Variants in LRP1 observed in about 807,000 individuals in gnomAD.
LRP1 encodes the protein LDL receptor related protein 1, also known as prolow-density lipoprotein receptor-related protein 1.
A neutral mutation model predicts 541.5 loss-of-function variants in LRP1; 51 were observed. The ratio of observed to expected loss-of-function variants is 0.09; its 90% confidence interval spans 0.08 to 0.12. The LOEUF is 0.12. Among genes scored for constraint, LRP1 ranks in the 10% least tolerant of loss-of-function variants. LRP1 has a pLI of 1.00. For synonymous variants in LRP1, 2,219 were observed against 2,470.8 expected (o/e 0.90, Z 3.02); for missense variants, 3,878 against 6,376.2 (o/e 0.61, Z 13.34).
chr12:57,169,156 C>G lies in LRP1; in HGVS notation c.3012C>G (p.Asp1004Glu). The change falls in exon 20 of 89, where the codon GAC becomes GAG. Residue 1004 changes from aspartate to glutamate, a missense_variant. Transcript: ENST00000243077. The part of the protein sequence containing the change: ...WRCDNDNDCG[D>E]NSDEAGCSHS... ...CACCGCCAGACAATGACTGTGGGGACAACAGTGACGAAGCCGGCTGCAGCC... is the reference window on the plus strand; with the variant it reads ...CACCGCCAGACAATGACTGTGGGGAGAACAGTGACGAAGCCGGCTGCAGCC... 1 of 1,610,952 alleles carries G rather than the reference C, an allele frequency of 6.2e-7. No individual in the cohort carries two copies. Among genetic ancestry groups the G allele is most frequent in the Non-Finnish European group, 8.5e-7 (1 of 1,177,440 alleles).
At chr12:57,138,408 A>G (rs2035217925) in intron 1 of LRP1, 51 bp from the exon 2 acceptor site, 1 of 1,601,624 alleles carries the variant, frequency 6.2e-7, no homozygotes, top group Non-Finnish European at 8.5e-7. Flanking sequence ...TTGGGTTCAC[A>G]GAGTTGGCCT....
chr12:57,149,025 G>C (rs745832016), intron 6 of LRP1: 1 of 661,054 alleles, frequency 1.5e-6, no homozygotes, highest in Non-Finnish European at 2.7e-6. Context: ...GTAGTGATTT[G>C]TCTAGAGGGG....
chr12:57,210,975 G>T, intron 83 of LRP1, 96 bp downstream of exon 83: 1 of 1,496,210 alleles, frequency 6.7e-7, no homozygotes. Context: ...GGACCCACAG[G>T]GGCAAGTTCA....
chr12:57,169,225 C>T lies in LRP1; in HGVS notation c.3081C>T (p.Cys1027=). The part of the protein sequence containing the change: ...STQFKCNSGR[C]IPEHWTCDGD... ...AGTTCAAGTGCAACAGCGGGCGTTGCATCCCCGAGCACTGGACCTGCGATG... is the reference window on the plus strand; with the variant it reads ...AGTTCAAGTGCAACAGCGGGCGTTGTATCCCCGAGCACTGGACCTGCGATG... The change falls in exon 20 of 89, where the codon TGC becomes TGT. Residue 1027 remains cysteine, a synonymous_variant. Coordinates refer to ENST00000243077, the MANE Select transcript of LRP1 (RefSeq NM_002332.3). The T allele has an allele frequency of 2.5e-6, 4 of 1,613,974 alleles. No homozygotes were observed. Among genetic ancestry groups the T allele is most frequent in the Non-Finnish European group, 2.5e-6 (3 of 1,179,946 alleles).
chr12:57,177,282 C>A lies in LRP1; in HGVS notation c.4196+37C>A, dbSNP rs754352981. ...GCCCAGCCTTCTCCTGGCCCCATGG[C>A]CCCCCTGAAGTCCCATTCAGCCTGG... On this transcript the variant is annotated intron_variant, in intron 25 of 88. Coordinates refer to ENST00000243077, the MANE Select transcript of LRP1 (RefSeq NM_002332.3). This position sits in a 1 kb window ranked among gnomAD's most constrained non-coding sequence, Gnocchi z 6.8. The A allele has an allele frequency of 5.0e-6, 8 of 1,605,296 alleles. No individual in the cohort carries two copies. In the South Asian group the frequency reaches 5.5e-5, roughly 11 times the overall value.
intron 54 of LRP1, 36 bp downstream of exon 54, chr12:57,196,039 C>T: frequency 6.2e-7 from 1 of 1,611,744 alleles, no homozygotes; most frequent in Non-Finnish European, 8.5e-7. Flanking sequence ...TGCCCCCTCC[C>T]CAGACTGCCT....
intron 20 of LRP1, among the ~76,000 whole-genome samples, chr12:57,172,372 T>C (rs979637920): frequency 6.6e-6 from 1 of 152,148 alleles, no homozygotes; most frequent in Non-Finnish European, 1.5e-5. Flanking sequence ...GGTTTCACCA[T>C]GTTAGCCAGG....
At chr12:57,188,239 T>C (rs982786896) in intron 42 of LRP1, among the ~76,000 whole-genome samples, 2 of 152,152 alleles carry the variant, frequency 1.3e-5, no homozygotes, top group African/African-American at 4.8e-5. Flanking sequence ...ATCCCGGCTG[T>C]TTGGGCCTCT....
chr12:57,204,348 T>C lies in LRP1; in HGVS notation c.10952-62T>C, dbSNP rs1045427070. The C allele has an allele frequency of 2.3e-5, 33 of 1,464,066 alleles. No individual in the cohort carries two copies. The highest frequency in any genetic ancestry group is 3.0e-5 in the Non-Finnish European group (33 of 1,104,558). 90.7% of individuals were successfully genotyped at this position (1,464,066 alleles called of 1,614,324 possible). On this transcript the variant is annotated intron_variant, in intron 70 of 88. Transcript: ENST00000243077. This position sits in a 1 kb window ranked among gnomAD's most constrained non-coding sequence, Gnocchi z 5.3. The stretch of plus-strand genomic sequence containing the variant: ...CCTCTGAGCCTGGAACCCCCACCTG[T>C]GGAGACAGGGGTCTGGGTGGGCTCA...
intron 41 of LRP1, 36 bp from the exon 42 acceptor site, chr12:57,187,231 C>A (rs923230450): frequency 6.3e-7 from 1 of 1,589,690 alleles, no homozygotes; most frequent in South Asian, 1.2e-5. Context: ...GCCCTCTGGG[C>A]CCTCCTGACA....
rs1157519239 is a variant in LRP1, at chr12:57,158,528, C to T, written c.1688C>T (p.Ala563Val). ...ATTGAAAACCTCATGAACCCCCGAG[C>T]CCTGGACTTCCACGCTGAGACCGGC... ...IPIENLMNPR[A>V]LDFHAETGFI... The change falls in exon 11 of 89, where the codon GCC (alanine) becomes GTC (valine). Residue 563 changes from alanine to valine, a missense_variant. Transcript: ENST00000243077. This position sits in a 1 kb window ranked among gnomAD's most constrained non-coding sequence, Gnocchi z 5.3. 6.2e-7 allele frequency: 1 copy of T among 1,614,096 alleles called. No homozygotes were observed. The highest frequency in any genetic ancestry group is 1.3e-5 in the African/African-American group (1 of 74,930).
intron 1 of LRP1, among the ~76,000 whole-genome samples, chr12:57,136,248 G>C (rs1357531049): frequency 6.6e-6 from 1 of 152,184 alleles, no homozygotes; most frequent in Admixed American, 6.5e-5. Flanking sequence ...GAGGCTGAAG[G>C]GGGAGCCTGG....
intron 22 of LRP1, among the ~76,000 whole-genome samples, chr12:57,174,987 T>C (rs2036014811): frequency 6.6e-6 from 1 of 152,066 alleles, no homozygotes. Context: ...CGACAGGCTA[T>C]CAGTCAGGCT....
At position 57,173,684 on chromosome 12, in the gene LRP1, C is replaced by A. The variant is rs1208921863; in HGVS notation, c.3347-96C>A. ...CTCGTGGACCCCACAGCGTTGCAAT[C>A]CTGACCCTATTAGAGAAGCCCACAG... On this transcript the variant is annotated intron_variant, in intron 21 of 88. Transcript: ENST00000243077. The surrounding 1 kb of genome is among the most constrained non-coding windows in gnomAD (Gnocchi z 4.7). 7 of 1,346,104 alleles carry A rather than the reference C, an allele frequency of 5.2e-6. No individual in the cohort carries two copies. The highest frequency in any genetic ancestry group is 7.4e-6 in the Non-Finnish European group (7 of 943,184). 83.4% of individuals were successfully genotyped at this position (1,346,104 alleles called of 1,614,324 possible).
chr12:57,207,306 TAAATAAATAAATAAATA>T (rs1295604626), intron 76 of LRP1, among the ~76,000 whole-genome samples: 9 of 144,848 alleles, frequency 6.2e-5, no homozygotes, highest in Admixed American at 2.8e-4. Flanking sequence ...TCTAAATAAA[TAAATAAATAAATAAATA>T]AAATAAAATA....
chr12:57,135,914 C>T (rs922956044), intron 1 of LRP1, among the ~76,000 whole-genome samples: 2 of 152,098 alleles, frequency 1.3e-5, no homozygotes, highest in Non-Finnish European at 2.9e-5. Context: ...GTTAGGTGAC[C>T]ACCCGGTGAC....
rs895685625 is a variant in LRP1, at chr12:57,173,177, C to A, written c.3173C>A (p.Pro1058His). 1 of 1,607,694 alleles carries A rather than the reference C, an allele frequency of 6.2e-7. No individual in the cohort carries two copies. The highest frequency in any genetic ancestry group is 1.7e-5 in the Admixed American group (1 of 59,888). The change falls in exon 21 of 89, where the codon CCC becomes CAC. Residue 1058 changes from proline to histidine, a missense_variant. Transcript: ENST00000243077. This position sits in a 1 kb window ranked among gnomAD's most constrained non-coding sequence, Gnocchi z 4.7. ...CACTGTCCCTCTGCAGCCACGAGGC[C>A]CCCTGGTGGCTGCCACACTGATGAG... Reference protein sequence around the residue: ...HANCTNQATRPPGGCHTDEFQ... With the variant: ...HANCTNQATRHPGGCHTDEFQ...
At position 57,156,983 on chromosome 12, in the gene LRP1, C is replaced by A; in HGVS notation, c.1561+63C>A. 6.8e-7 allele frequency: 1 copy of A among 1,474,886 alleles called. No homozygotes were observed. The highest frequency in any genetic ancestry group is 2.0e-5 in the Admixed American group (1 of 51,180). 91.4% of individuals were successfully genotyped at this position (1,474,886 alleles called of 1,614,324 possible). On this transcript the variant is annotated intron_variant, in intron 10 of 88. Transcript: ENST00000243077. The surrounding 1 kb of genome is among the most constrained non-coding windows in gnomAD (Gnocchi z 5.2). ...GCTGCGGGAGGGTTCCTCAGGTGTC[C>A]CCCACAGCCCGGCTGCCTCTGTCTG...
chr12:57,201,971 A>G lies in LRP1; in HGVS notation c.10594+66A>G, dbSNP rs1178880333. Reference sequence around the variant, plus strand: ...GGGTGGGAGGCATGGCACCCCTGGCAGGTGGAGGGCTGGGGGCCGCCTGCT... The same window carrying G: ...GGGTGGGAGGCATGGCACCCCTGGCGGGTGGAGGGCTGGGGGCCGCCTGCT... On this transcript the variant is annotated intron_variant, in intron 67 of 88. Transcript: ENST00000243077. The surrounding 1 kb of genome is among the most constrained non-coding windows in gnomAD (Gnocchi z 6.4). The G allele has an allele frequency of 1.3e-6, 2 of 1,598,786 alleles. No homozygotes were observed. Among genetic ancestry groups the G allele is most frequent in the Non-Finnish European group, 1.7e-6 (2 of 1,169,120 alleles).
Sources: allele counts gnomAD v4.1 joint callset (sites outside exome capture counted in the v4.1 genomes callset), GRCh38; gene constraint gnomAD v4.1.1; non-coding constraint Gnocchi (gnomAD v3.1); transcripts MANE v1.5; gene names NCBI Gene and HGNC (gene_info 2026-07-23, HGNC 2026-07-21).